FAM193B: variants seen among roughly 807,000 people sequenced by gnomAD.
FAM193B encodes family with sequence similarity 193 member B.
In FAM193B, 27 loss-of-function variants were observed where a neutral mutation model predicts 70.7. That is an observed-to-expected ratio of 0.38 (90% CI 0.28 to 0.53). FAM193B has a LOEUF of 0.53. Among genes scored for constraint, FAM193B ranks in the 20% least tolerant of loss-of-function variants. The pLI, the probability that FAM193B is intolerant of heterozygous loss-of-function variation, is 0.81. For missense variants in FAM193B, 1,022 were observed against 1,072.5 expected (o/e 0.95, Z 0.66); for synonymous variants, 448 against 436.0 (o/e 1.03, Z -0.34).
chr5:177,543,684 G>C (rs937725419), intron 1 of FAM193B, among the ~76,000 whole-genome samples: 4 of 152,180 alleles, frequency 2.6e-5, no homozygotes, highest in African/African-American at 4.8e-5. Context: ...AATGCCACTG[G>C]TTCCTTCAAA....
intron 1 of FAM193B, chr5:177,547,274 C>A (rs2127487512): frequency 9.6e-6 from 1 of 103,696 alleles, no homozygotes; most frequent in African/African-American, 3.8e-5. Context: ...CTTGCCCAAA[C>A]CAAATTTATT....
intron 5 of FAM193B, among the ~76,000 whole-genome samples, chr5:177,527,528 C>T (rs1762798935): frequency 6.6e-6 from 1 of 152,236 alleles, no homozygotes; most frequent in South Asian, 2.1e-4. Context: ...ATGGCTGCCA[C>T]AGCAGCCCCA....
chr5:177,553,952 A>T, intron 1 of FAM193B: 5 of 1,250,562 alleles, frequency 4.0e-6, no homozygotes, highest in Non-Finnish European at 4.1e-6. Flanking sequence ...CCTCGGGATC[A>T]CAGCCCAGTC....
At chr5:177,531,952 C>T (rs1438955689) in intron 5 of FAM193B, 3 of 1,277,792 alleles carry the variant, frequency 2.3e-6, no homozygotes, top group African/African-American at 1.5e-5. Context: ...CTCCTCTTCA[C>T]CTTATGAGAC....
chr5:177,545,100 G>A (rs565806952), intron 1 of FAM193B, among the ~76,000 whole-genome samples: 3 of 152,112 alleles, frequency 2.0e-5, no homozygotes, highest in Non-Finnish European at 4.4e-5. Context: ...CTGGAGTGCA[G>A]TGGCATGATC....
intron 5 of FAM193B, 195 bp from the exon 6 acceptor site, chr5:177,525,400 G>A (rs1455851480): frequency 4.5e-6 from 2 of 445,966 alleles, no homozygotes; most frequent in East Asian, 3.5e-5. Flanking sequence ...GGGGGCAGGG[G>A]TAGTCACACC....
chr5:177,522,194 C>T (rs1237036285), intron 7 of FAM193B, 123 bp from the exon 8 acceptor site: 1 of 753,312 alleles, frequency 1.3e-6, no homozygotes, highest in Non-Finnish European at 2.2e-6. Flanking sequence ...CTCTTTGGCT[C>T]TCAGGTGCTA....
At chr5:177,553,114 G>C (rs1001321239) in intron 1 of FAM193B, 3 of 951,882 alleles carry the variant, frequency 3.2e-6, no homozygotes, top group Non-Finnish European at 2.5e-6. Flanking sequence ...GACGCAACTG[G>C]GGAGGTCAGG....
chr5:177,529,066 G>A (rs1367313707), intron 5 of FAM193B, among the ~76,000 whole-genome samples: 3 of 152,064 alleles, frequency 2.0e-5, no homozygotes, highest in Non-Finnish European at 2.9e-5. Flanking sequence ...AGTGAGAAAC[G>A]GATTGACCTG....
intron 3 of FAM193B, among the ~76,000 whole-genome samples, chr5:177,537,656 A>G (rs1231342817): frequency 1.3e-5 from 2 of 152,330 alleles, no homozygotes; most frequent in African/African-American, 4.8e-5. Flanking sequence ...TTTGAGAGGC[A>G]AACGTTTTTC....
At chr5:177,526,075 GGAA>G (rs1442172466) in intron 5 of FAM193B, among the ~76,000 whole-genome samples, 1 of 152,222 alleles carries the variant, frequency 6.6e-6, no homozygotes, top group Non-Finnish European at 1.5e-5. Context: ...TGGGAATGGA[GGAA>G]GAGAAACATG....
chr5:177,540,764 G>A (rs1031419235), intron 1 of FAM193B, among the ~76,000 whole-genome samples: 1 of 152,076 alleles, frequency 6.6e-6, no homozygotes, highest in Non-Finnish European at 1.5e-5. Flanking sequence ...TTTTGGAGGT[G>A]GTTTGTTATG....
rs745727565 is a variant in FAM193B at position 177,524,721 on chromosome 5, A to G, written c.1760T>C (p.Leu587Pro). Residue 587 changes from leucine to proline, a missense_variant, in exon 6 of 9, where the codon CTC (leucine) becomes CCC (proline). Physicochemically the swap from Leu to Pro is moderately conservative, Grantham distance 98. Coordinates refer to ENST00000514747, the MANE Select transcript of FAM193B (RefSeq NM_001190946.3). ...IVPENGLVRR[L>P]NTVPNLSRVI... ...CCGGGATAGGTTGGGCACGGTGTTG[A>G]GTCTCCTCACGAGCCCGTTCTCGGG... The G allele has an allele frequency of 3.2e-6, 5 of 1,574,378 alleles. No individual in the cohort carries two copies. Among genetic ancestry groups the G allele is most frequent in the Non-Finnish European group, 4.3e-6 (5 of 1,162,028 alleles).
chr5:177,538,508 G>C lies in FAM193B; in HGVS notation c.453+397C>G, dbSNP rs773520392. On this transcript the variant is annotated intron_variant, in intron 2 of 8. Transcript: ENST00000514747. This position sits in a 1 kb window ranked among gnomAD's most constrained non-coding sequence, Gnocchi z 4.1. ...GGAAAGTCTGGCCATCGTGATTCAT[G>C]AAACAGCAGACTTAGATGACTCCCA... is the stretch of plus-strand genomic sequence containing the variant. Among the ~76,000 whole-genome samples the C allele has an allele frequency of 2.0e-5, 3 of 152,244 alleles. No homozygotes were observed. The highest frequency in any genetic ancestry group is 4.4e-5 in the Non-Finnish European group (3 of 68,046).
intron 5 of FAM193B, among the ~76,000 whole-genome samples, chr5:177,527,369 T>C (rs914576064): frequency 9.9e-5 from 15 of 152,148 alleles, no homozygotes; most frequent in African/African-American, 3.1e-4. Flanking sequence ...CCGAGGGCAA[T>C]GTCCAGCCAC....
chr5:177,545,312 G>A (rs572538657), intron 1 of FAM193B, among the ~76,000 whole-genome samples: 1 of 152,228 alleles, frequency 6.6e-6, no homozygotes, highest in African/African-American at 2.4e-5. Context: ...TCAAAGTGCT[G>A]GCATTACAGG....
intron 5 of FAM193B, among the ~76,000 whole-genome samples, chr5:177,530,734 T>C (rs553306392): frequency 8.5e-5 from 13 of 152,238 alleles, no homozygotes; most frequent in African/African-American, 2.9e-4. Flanking sequence ...TCAACAACAC[T>C]GTCCATCCTG....
chr5:177,545,727 C>T (rs1267931269), intron 1 of FAM193B, among the ~76,000 whole-genome samples: 1 of 151,832 alleles, frequency 6.6e-6, no homozygotes, highest in Non-Finnish European at 1.5e-5. Flanking sequence ...CCTTTCTGTC[C>T]ACAATTTGGG....
chr5:177,522,573 CAA>C (rs1761928448), intron 7 of FAM193B, among the ~76,000 whole-genome samples: 1 of 152,070 alleles, frequency 6.6e-6, no homozygotes, highest in Non-Finnish European at 1.5e-5. Flanking sequence ...CTCCTGAGCT[CAA>C]GTGATCCTCC....
Sources: gnomAD v4.1 joint callset for allele counts (sites outside exome capture counted in the v4.1 genomes callset) on GRCh38, gnomAD v4.1.1 for gene constraint, Gnocchi (gnomAD v3.1) non-coding constraint, MANE v1.5 for transcripts, NCBI Gene and HGNC (gene_info 2026-07-23, HGNC 2026-07-21) for gene names.